Variants in PPA2 observed in about 807,000 individuals in gnomAD.
PPA2 encodes inorganic pyrophosphatase 2, mitochondrial.
Under a neutral mutation model 49.5 loss-of-function variants are expected in PPA2, and 48 were observed. The observed-to-expected ratio is 0.97, with a 90% CI of 0.77 to 1.23. The LOEUF is 1.23. Ranked by LOEUF, PPA2 falls within the 50% of genes most tolerant of loss-of-function variation. The probability of loss-of-function intolerance (pLI) is 0.00; values close to 1 mark genes in which losing one functional copy is unlikely to be tolerated. For synonymous variants in PPA2, 131 were observed against 139.9 expected (o/e 0.94, Z 0.45); for missense variants, 429 against 410.1 (o/e 1.05, Z -0.40).
At chr4:105,396,418 C>T (rs530666744) in intron 8 of PPA2, 84 bp from the exon 9 acceptor site, 8 of 928,944 alleles carry the variant, frequency 8.6e-6, no homozygotes, top group African/African-American at 3.4e-5. Context: ...CTTGTGATGA[C>T]AGTTAATTGT....
chr4:105,386,656 GTTA>G lies in PPA2; in HGVS notation c.870-23_870-21del, dbSNP rs756476425. The G allele has an allele frequency of 1.9e-6, 3 of 1,602,758 alleles. No individual in the cohort carries two copies. Among genetic ancestry groups the G allele is most frequent in the Admixed American group, 3.3e-5 (2 of 59,772 alleles). On this transcript the variant is annotated intron_variant, in intron 9 of 11. Coordinates refer to ENST00000341695, the MANE Select transcript of PPA2 (RefSeq NM_176869.3). Reference sequence around the variant, plus strand: ...TTTGTGCTGGAGAGGAAAAGAGAATGTTATTATTAAACAGGATAAAAAGAAACA... The same window carrying G: ...TTTGTGCTGGAGAGGAAAAGAGAATGTTATTAAACAGGATAAAAAGAAACA...
At chr4:105,437,693 T>C (rs918674671) in intron 6 of PPA2, among the ~76,000 whole-genome samples, 2 of 152,334 alleles carry the variant, frequency 1.3e-5, no homozygotes. Flanking sequence ...AAAGCAGTCA[T>C]AGACAGTATG....
chr4:105,422,406 G>A (rs1443789475), intron 7 of PPA2, among the ~76,000 whole-genome samples: 1 of 152,154 alleles, frequency 6.6e-6, no homozygotes, highest in Admixed American at 6.5e-5. Context: ...ATTTAGAAAG[G>A]TGTCCAAAGT....
chr4:105,458,411 G>A (rs1364069343), intron 1 of PPA2, among the ~76,000 whole-genome samples: 1 of 152,126 alleles, frequency 6.6e-6, no homozygotes, highest in Non-Finnish European at 1.5e-5. Context: ...GAAAAACTGG[G>A]GTGCGGAGTA....
chr4:105,405,519 G>A, intron 7 of PPA2: 2 of 923,568 alleles, frequency 2.2e-6, no homozygotes, highest in African/African-American at 1.8e-5. Flanking sequence ...TATATAAATA[G>A]AATTACTTGA....
chr4:105,424,426 A>T, intron 6 of PPA2, 104 bp from the exon 7 acceptor site: 2 of 1,012,102 alleles, frequency 2.0e-6, no homozygotes, highest in Non-Finnish European at 2.7e-6. Flanking sequence ...CTGAAATGTA[A>T]CAAAGCCTCA....
At chr4:105,471,354 A>G (rs1032934721) in intron 1 of PPA2, among the ~76,000 whole-genome samples, 2 of 152,188 alleles carry the variant, frequency 1.3e-5, no homozygotes, top group African/African-American at 4.8e-5. Flanking sequence ...TACAAAGTTT[A>G]ACACCAATTT....
intron 8 of PPA2, among the ~76,000 whole-genome samples, chr4:105,397,469 G>A (rs67476913): frequency 0.18 from 26,963 of 151,946 alleles, 2,708 homozygotes; most frequent in African/African-American, 0.26. Flanking sequence ...TTAAAGGAGT[G>A]GCAAGAAAAA....
At chr4:105,386,764 T>C in intron 9 of PPA2, 128 bp from the exon 10 acceptor site, 1 of 686,818 alleles carries the variant, frequency 1.5e-6, no homozygotes, top group East Asian at 3.0e-5. Context: ...AGAAACTGAA[T>C]GAATAAAAAT....
chr4:105,425,379 A>G (rs1179516395), intron 6 of PPA2, among the ~76,000 whole-genome samples: 2 of 152,208 alleles, frequency 1.3e-5, no homozygotes, highest in Non-Finnish European at 2.9e-5. Flanking sequence ...AGAAAACAAA[A>G]AAAACCAAAT....
Position 105,456,761 on chromosome 4 carries a change from CAAACA to C in PPA2, c.158-21_158-17del. 15 of 1,577,632 alleles carry C rather than the reference CAAACA, an allele frequency of 9.5e-6. No individual in the cohort carries two copies. The highest frequency in any genetic ancestry group is 2.3e-5 in the East Asian group (1 of 44,128). On this transcript the variant is annotated splice_polypyrimidine_tract_variant and intron_variant, in intron 1 of 11. Coordinates refer to ENST00000341695, the MANE Select transcript of PPA2 (RefSeq NM_176869.3). ...GTTACATTCTCTGCAAAGACACAAA[CAAACA>C]AAACAAAACAGAATTAAAGCAATAG...
At chr4:105,385,792 A>G (rs1733654688) in intron 10 of PPA2, among the ~76,000 whole-genome samples, 1 of 152,156 alleles carries the variant, frequency 6.6e-6, no homozygotes, top group Admixed American at 6.5e-5. Flanking sequence ...CATGTGAGAC[A>G]GCCAAACTAA....
At chr4:105,434,880 CTCAA>C (rs1723975158) in intron 6 of PPA2, among the ~76,000 whole-genome samples, 1 of 152,262 alleles carries the variant, frequency 6.6e-6, no homozygotes, top group South Asian at 2.1e-4. Flanking sequence ...GAAAGGAAAA[CTCAA>C]TCAAACCAAA....
intron 9 of PPA2, among the ~76,000 whole-genome samples, chr4:105,389,147 G>A (rs1733804461): frequency 6.6e-6 from 1 of 152,094 alleles, no homozygotes; most frequent in East Asian, 1.9e-4. Context: ...ATGTTTAAAA[G>A]TGTAATAAAA....
intron 10 of PPA2, among the ~76,000 whole-genome samples, chr4:105,374,188 G>C (rs892796032): frequency 1.2e-4 from 19 of 152,234 alleles, no homozygotes; most frequent in Admixed American, 1.0e-3. Context: ...AGTAGGAAAA[G>C]AATGTGGACA....
intron 5 of PPA2, among the ~76,000 whole-genome samples, chr4:105,444,909 C>G (rs1724533440): frequency 6.6e-6 from 1 of 152,094 alleles, no homozygotes; most frequent in Non-Finnish European, 1.5e-5. Flanking sequence ...CATTTAATCT[C>G]AACACAAAGA....
intron 6 of PPA2, among the ~76,000 whole-genome samples, chr4:105,430,382 ACACT>A (rs967873408): frequency 3.9e-5 from 6 of 152,354 alleles, no homozygotes; most frequent in East Asian, 1.9e-4. Context: ...ATTATATTAG[ACACT>A]CACATGTTTA....
chr4:105,462,629 T>A (rs1723139803), intron 1 of PPA2, among the ~76,000 whole-genome samples: 1 of 152,246 alleles, frequency 6.6e-6, no homozygotes, highest in African/African-American at 2.4e-5. Flanking sequence ...CTTAATTGGC[T>A]AATGTTAATA....
At chr4:105,403,032 CTT>C (rs937595612) in intron 7 of PPA2, among the ~76,000 whole-genome samples, 2 of 151,056 alleles carry the variant, frequency 1.3e-5, no homozygotes, top group African/African-American at 4.9e-5. Flanking sequence ...CTCTCTCTCT[CTT>C]TCTTTTTTGA....
Sources: gnomAD v4.1 joint callset for allele counts (sites outside exome capture counted in the v4.1 genomes callset) on GRCh38, gnomAD v4.1.1 for gene constraint, MANE v1.5 for transcripts, NCBI Gene and HGNC (gene_info 2026-07-23, HGNC 2026-07-21) for gene names.